Variants in FMNL2 observed in about 807,000 individuals in gnomAD.
FMNL2 encodes the protein formin like 2.
FMNL2 carries 51 observed loss-of-function variants against 130.2 expected under a neutral mutation model. The observed-to-expected ratio is 0.39, with a 90% CI of 0.31 to 0.49. The LOEUF (loss-of-function observed/expected upper bound fraction) is 0.49, where lower values mean the gene tolerates loss of function less well. FMNL2 is among the 20% of genes least tolerant of loss of function. FMNL2 has a pLI of 0.85. For missense variants in FMNL2, 977 were observed against 1,316.2 expected (o/e 0.74, Z 3.99); for synonymous variants, 465 against 467.1 (o/e 1.00, Z 0.06).
intron 1 of FMNL2, among the ~76,000 whole-genome samples, chr2:152,517,726 CACTGA>C (rs1249431585): frequency 6.6e-6 from 1 of 152,150 alleles, no homozygotes; most frequent in Admixed American, 6.5e-5. Flanking sequence ...AATTAACATC[CACTGA>C]ACTTTTCAAT....
chr2:152,493,963 A>G (rs115836831), intron 1 of FMNL2, among the ~76,000 whole-genome samples: 199 of 152,342 alleles, frequency 1.3e-3, no homozygotes, highest in African/African-American at 4.5e-3. Flanking sequence ...GATATTAACA[A>G]AGCATTTGGC....
chr2:152,395,259 A>G (rs1685330030), intron 1 of FMNL2, among the ~76,000 whole-genome samples: 1 of 152,224 alleles, frequency 6.6e-6, no homozygotes, highest in East Asian at 1.9e-4. Flanking sequence ...GCTGTGGGAC[A>G]TGAGGTGGCA....
At chr2:152,415,327 G>C (rs947005678) in intron 1 of FMNL2, among the ~76,000 whole-genome samples, 1 of 152,182 alleles carries the variant, frequency 6.6e-6, no homozygotes, top group African/African-American at 2.4e-5. Context: ...AGTTCACCAC[G>C]CAGCTCTGCT....
intron 22 of FMNL2, among the ~76,000 whole-genome samples, chr2:152,636,906 A>T (rs762431701): frequency 4.6e-5 from 7 of 152,124 alleles, no homozygotes; most frequent in Non-Finnish European, 8.8e-5. Context: ...TCGGCAAAGC[A>T]GTGTTTCCTG....
At chr2:152,504,404 G>A (rs1285591549) in intron 1 of FMNL2, among the ~76,000 whole-genome samples, 1 of 151,790 alleles carries the variant, frequency 6.6e-6, no homozygotes, top group East Asian at 1.9e-4. Context: ...GCACCACCAC[G>A]ACCGGCTAAT....
chr2:152,499,471 G>T (rs761779888), intron 1 of FMNL2, among the ~76,000 whole-genome samples: 1 of 152,046 alleles, frequency 6.6e-6, no homozygotes, highest in Non-Finnish European at 1.5e-5. Flanking sequence ...GCTCTGGAAG[G>T]TCTTGTACTC....
intron 17 of FMNL2, 52 bp from the exon 18 acceptor site, chr2:152,628,247 G>A (rs947402168): frequency 4.7e-6 from 7 of 1,480,930 alleles, no homozygotes; most frequent in African/African-American, 1.4e-5. Flanking sequence ...AACTTGAAAA[G>A]GGGGTAGGAG....
intron 25 of FMNL2, chr2:152,643,345 C>A: frequency 6.5e-7 from 1 of 1,530,142 alleles, no homozygotes; most frequent in South Asian, 1.2e-5. Flanking sequence ...ATGCACTAAC[C>A]ATGTACTAAT....
At chr2:152,403,343 G>A (rs1400509534) in intron 1 of FMNL2, among the ~76,000 whole-genome samples, 1 of 152,114 alleles carries the variant, frequency 6.6e-6, no homozygotes, top group African/African-American at 2.4e-5. Context: ...GTTGAGAGAG[G>A]AGGATCTATC....
chr2:152,341,633 A>G (rs769318568), intron 1 of FMNL2, among the ~76,000 whole-genome samples: 1 of 152,202 alleles, frequency 6.6e-6, no homozygotes, highest in Non-Finnish European at 1.5e-5. Context: ...ATTTGGCACA[A>G]TTGTTAACAT....
intron 1 of FMNL2, among the ~76,000 whole-genome samples, chr2:152,370,196 G>T (rs1683794353): frequency 6.6e-6 from 1 of 152,204 alleles, no homozygotes; most frequent in Admixed American, 6.5e-5. Flanking sequence ...GAGGTTGTAA[G>T]TTCAAGATCA....
chr2:152,413,029 A>G (rs1686406054), intron 1 of FMNL2, among the ~76,000 whole-genome samples: 1 of 152,174 alleles, frequency 6.6e-6, no homozygotes, highest in Admixed American at 6.5e-5. Context: ...AAACTATGAC[A>G]AAACTATTTG....
At position 152,371,668 on chromosome 2, in the gene FMNL2, C is replaced by CAA. The variant is rs71394476; in HGVS notation, c.117+35968_117+35969dup. Among the ~76,000 whole-genome samples, 101 of 65,980 alleles carry CAA rather than the reference C, an allele frequency of 1.5e-3. 1 individual carries two copies. The highest frequency in any genetic ancestry group is 0.012 in the South Asian group (23 of 1,920). 43.3% of individuals were successfully genotyped at this position (65,980 alleles called of 152,430 possible). On this transcript the variant is annotated intron_variant, in intron 1 of 25. Coordinates refer to ENST00000288670, the MANE Select transcript of FMNL2 (RefSeq NM_052905.4). ...TGGGTGACAGAGTGAGACTCTGTCTCAAAAAAAAAAAAAAAAAAAAAGAAA... is the reference window on the plus strand; with the variant it reads ...TGGGTGACAGAGTGAGACTCTGTCTCAAAAAAAAAAAAAAAAAAAAAAAGAAA...
At chr2:152,555,474 T>C (rs1695152092) in intron 4 of FMNL2, among the ~76,000 whole-genome samples, 1 of 152,202 alleles carries the variant, frequency 6.6e-6, no homozygotes, top group Non-Finnish European at 1.5e-5. Context: ...ATCTTAGAAA[T>C]TGAAAGCCAG....
At chr2:152,604,784 C>T (rs541912988) in intron 9 of FMNL2, among the ~76,000 whole-genome samples, 2 of 152,072 alleles carry the variant, frequency 1.3e-5, no homozygotes, top group East Asian at 1.9e-4. Context: ...TTAGTACAGA[C>T]GGGGTTTTAC....
Position 152,640,803 on chromosome 2 carries a change from A to AAATC in FMNL2, c.3061_3064dup (p.Lys1022IlefsTer18). On this transcript the variant is annotated frameshift_variant, in exon 25 of 26. Coordinates refer to ENST00000288670, the MANE Select transcript of FMNL2 (RefSeq NM_052905.4). LOFTEE classifies it high-confidence loss of function. ...TCTTTCTTCTCAGTCTCCTTCTCATAAATCAAAGAGGCAGCAGCAAGAGTT... is the reference window on the plus strand; with the variant it reads ...TCTTTCTTCTCAGTCTCCTTCTCATAAATCAATCAAAGAGGCAGCAGCAAGAGTT... 6.2e-7 allele frequency: 1 copy of AAATC among 1,613,310 alleles called. No homozygotes were observed. Among genetic ancestry groups the AAATC allele is most frequent in the Non-Finnish European group, 8.5e-7 (1 of 1,179,554 alleles).
intron 1 of FMNL2, among the ~76,000 whole-genome samples, chr2:152,406,123 C>T (rs1685965457): frequency 6.7e-6 from 1 of 148,674 alleles, no homozygotes; most frequent in African/African-American, 2.5e-5. Flanking sequence ...TTATGATTCC[C>T]TATGTCTATA....
At chr2:152,460,752 G>A (rs909366007) in intron 1 of FMNL2, among the ~76,000 whole-genome samples, 1 of 152,166 alleles carries the variant, frequency 6.6e-6, no homozygotes, top group Admixed American at 6.5e-5. Context: ...ACGTGTGAGG[G>A]ATCTAGGTTA....
intron 1 of FMNL2, among the ~76,000 whole-genome samples, chr2:152,402,092 C>T (rs1299605234): frequency 1.3e-5 from 2 of 151,784 alleles, no homozygotes; most frequent in African/African-American, 2.4e-5. Context: ...TTAGTAGAGA[C>T]AGGGTTTCAC....
Sources: gnomAD v4.1 joint callset for allele counts (sites outside exome capture counted in the v4.1 genomes callset) on GRCh38, gnomAD v4.1.1 for gene constraint, MANE v1.5 for transcripts, NCBI Gene and HGNC (gene_info 2026-07-23, HGNC 2026-07-21) for gene names.